FRMD4B: variants seen among roughly 807,000 people sequenced by gnomAD.
FRMD4B encodes the protein FERM domain-containing protein 4B.
FRMD4B carries 74 observed loss-of-function variants against 141.5 expected under a neutral mutation model. The observed-to-expected ratio is 0.52, with a 90% CI of 0.43 to 0.63. The LOEUF (loss-of-function observed/expected upper bound fraction) is 0.63. FRMD4B is among the 30% of genes least tolerant of loss of function. The probability of loss-of-function intolerance (pLI) is 0.00; values close to 1 mark genes in which losing one functional copy is unlikely to be tolerated. For missense variants in FRMD4B, 1,366 were observed against 1,253.4 expected, an observed-to-expected ratio of 1.09 and a Z score of -1.36; for synonymous variants, 506 against 467.9, an observed-to-expected ratio of 1.08 and a Z score of -1.05.
At chr3:69,350,837 G>C (rs1318595675) in intron 1 of FRMD4B, among the ~76,000 whole-genome samples, 2 of 137,852 alleles carry the variant, frequency 1.5e-5, no homozygotes, top group African/African-American at 2.7e-5. Flanking sequence ...GGTGTGGGGA[G>C]GGGGGAGGGG....
chr3:69,418,327 G>A (rs1357010257), intron 2 of FRMD4B, among the ~76,000 whole-genome samples: 1 of 152,100 alleles, frequency 6.6e-6, no homozygotes, highest in Non-Finnish European at 1.5e-5. Context: ...TAGGAGGGTC[G>A]ATGTGGTATA....
chr3:69,383,685 G>C (rs1170246510), intron 1 of FRMD4B, among the ~76,000 whole-genome samples: 2 of 151,938 alleles, frequency 1.3e-5, no homozygotes, highest in Non-Finnish European at 2.9e-5. Context: ...TCAACGTCTT[G>C]AGCAGAGAGA....
chr3:69,323,025 G>A (rs1702062737), intron 1 of FRMD4B: 1 of 976,096 alleles, frequency 1.0e-6, no homozygotes, highest in South Asian at 4.7e-5. Flanking sequence ...TCTCTTGCAG[G>A]TTCACTGGAA....
intron 2 of FRMD4B, among the ~76,000 whole-genome samples, chr3:69,414,662 A>G (rs1704820757): frequency 1.3e-5 from 2 of 152,040 alleles, no homozygotes; most frequent in Admixed American, 1.3e-4. Context: ...GCACATTTCG[A>G]GGGGCTGCAT....
intron 1 of FRMD4B, among the ~76,000 whole-genome samples, chr3:69,328,103 G>T (rs1041712820): frequency 6.6e-6 from 1 of 152,246 alleles, no homozygotes; most frequent in African/African-American, 2.4e-5. Context: ...TTGAGAGACA[G>T]AATGGTGGTG....
At chr3:69,273,182 A>C (rs771536012) in intron 5 of FRMD4B, among the ~76,000 whole-genome samples, 20 of 152,218 alleles carry the variant, frequency 1.3e-4, no homozygotes, top group Non-Finnish European at 2.8e-4. Flanking sequence ...AGGTTTCAGG[A>C]TTAACTGAAT....
chr3:69,200,542 T>G, intron 11 of FRMD4B: 1 of 1,107,724 alleles, frequency 9.0e-7, no homozygotes, highest in Non-Finnish European at 1.1e-6. Context: ...TAGGTGTAAC[T>G]CAATTTCACA....
chr3:69,449,226 CACT>C (rs1705456114), intron 1 of FRMD4B, among the ~76,000 whole-genome samples: 1 of 152,138 alleles, frequency 6.6e-6, no homozygotes, highest in Non-Finnish European at 1.5e-5. Context: ...ACTGCACAAC[CACT>C]AAGTTTAGAC....
At chr3:69,287,710 G>A (rs755212607) in intron 5 of FRMD4B, 42 bp downstream of exon 5, 28 of 967,876 alleles carry the variant, frequency 2.9e-5, no homozygotes, top group South Asian at 1.3e-5. Flanking sequence ...CATCCCAGTC[G>A]CTCTGGAGGC....
At chr3:69,326,970 A>G (rs1702210485) in intron 1 of FRMD4B, among the ~76,000 whole-genome samples, 1 of 152,232 alleles carries the variant, frequency 6.6e-6, no homozygotes. Context: ...CAAAAATAAA[A>G]AAACAAAAAA....
At chr3:69,353,965 T>C (rs577002206) in intron 1 of FRMD4B, among the ~76,000 whole-genome samples, 3 of 152,356 alleles carry the variant, frequency 2.0e-5, no homozygotes, top group African/African-American at 7.2e-5. Flanking sequence ...TGGGTAATTA[T>C]TCAGAGATAG....
intron 1 of FRMD4B, among the ~76,000 whole-genome samples, chr3:69,337,386 A>G (rs1175182454): frequency 4.6e-5 from 7 of 152,264 alleles, no homozygotes; most frequent in Admixed American, 4.6e-4. Context: ...CATTCAGGAC[A>G]TAGGCATGGG....
chr3:69,278,189 T>C (rs2093627547), intron 5 of FRMD4B, among the ~76,000 whole-genome samples: 1 of 152,206 alleles, frequency 6.6e-6, no homozygotes, highest in Admixed American at 6.5e-5. Flanking sequence ...AGGCAGTCCA[T>C]TAATAAGTAT....
At chr3:69,340,329 A>T (rs1702696133) in intron 1 of FRMD4B, among the ~76,000 whole-genome samples, 1 of 151,902 alleles carries the variant, frequency 6.6e-6, no homozygotes, top group Non-Finnish European at 1.5e-5. Context: ...CCCACCCTCT[A>T]TCCTTGCCTT....
At chr3:69,388,280 C>T (rs967546575), upstream of FRMD4B, among the ~76,000 whole-genome samples, 4 of 152,070 alleles carry the variant, frequency 2.6e-5, no homozygotes, top group Non-Finnish European at 5.9e-5. Context: ...CTTTCAAATT[C>T]CATCATTTTC....
At chr3:69,250,403 A>G (rs1043789657) in intron 5 of FRMD4B, among the ~76,000 whole-genome samples, 6 of 152,182 alleles carry the variant, frequency 3.9e-5, no homozygotes, top group Non-Finnish European at 7.3e-5. Context: ...CTAAACATTC[A>G]GAAAACTTCT....
intron 11 of FRMD4B, among the ~76,000 whole-genome samples, chr3:69,201,801 T>C (rs2092970361): frequency 6.6e-6 from 1 of 152,204 alleles, no homozygotes; most frequent in Non-Finnish European, 1.5e-5. Flanking sequence ...AGACAGCACC[T>C]GGCACAGGGC....
At chr3:69,454,458 C>T (rs1705552409) in intron 1 of FRMD4B, among the ~76,000 whole-genome samples, 1 of 152,200 alleles carries the variant, frequency 6.6e-6, no homozygotes, top group African/African-American at 2.4e-5. Context: ...AAGTGGGAAC[C>T]AGGGCTGTGC....
intron 4 of FRMD4B, among the ~76,000 whole-genome samples, chr3:69,290,130 T>G (rs1700821828): frequency 6.6e-6 from 1 of 152,164 alleles, no homozygotes; most frequent in Admixed American, 6.5e-5. Context: ...TGAGCCCTGC[T>G]GCGTGGACTA....
Sources: gnomAD v4.1 joint callset for allele counts (sites outside exome capture counted in the v4.1 genomes callset) on GRCh38, gnomAD v4.1.1 for gene constraint, MANE v1.5 for transcripts, NCBI Gene and HGNC (gene_info 2026-07-23, HGNC 2026-07-21) for gene names.